PACRG: variants seen among roughly 807,000 people sequenced by gnomAD.
PACRG encodes parkin coregulated, also known as parkin coregulated gene protein.
PACRG carries 29 observed loss-of-function variants against 29.7 expected under a neutral mutation model. The observed-to-expected ratio is 0.98, with a 90% CI of 0.73 to 1.33. The LOEUF is 1.33. Among genes scored for constraint, PACRG ranks in the 40% most tolerant of loss-of-function variants. The pLI is 0.00. For missense variants in PACRG, 279 were observed against 316.2 expected (o/e 0.88, Z 0.89); for synonymous variants, 116 against 118.7 (o/e 0.98, Z 0.15).
At chr6:162,824,315 C>T (rs902944498) in intron 2 of PACRG, among the ~76,000 whole-genome samples, 1 of 152,006 alleles carries the variant, frequency 6.6e-6, no homozygotes, top group Non-Finnish European at 1.5e-5. Context: ...ATGTTTCTGA[C>T]CGGGCCAGGA....
At chr6:163,125,936 A>T (rs934388630) in intron 4 of PACRG, among the ~76,000 whole-genome samples, 1 of 152,244 alleles carries the variant, frequency 6.6e-6, no homozygotes, top group Non-Finnish European at 1.5e-5. Context: ...TGCCTTAGGA[A>T]AAAGGAGCAC....
At chr6:162,926,012 A>G (rs1158908352) in intron 2 of PACRG, among the ~76,000 whole-genome samples, 1 of 152,104 alleles carries the variant, frequency 6.6e-6, no homozygotes, top group Non-Finnish European at 1.5e-5. Context: ...CACCAACAGT[A>G]GACAAGCAGA....
intron 2 of PACRG, among the ~76,000 whole-genome samples, chr6:162,902,625 T>A (rs984184160): frequency 1.3e-5 from 2 of 152,198 alleles, no homozygotes; most frequent in Non-Finnish European, 2.9e-5. Flanking sequence ...CAAGAAGATG[T>A]ATACAGAATA....
chr6:162,869,394 G>A (rs988768379), intron 2 of PACRG, among the ~76,000 whole-genome samples: 5 of 152,104 alleles, frequency 3.3e-5, no homozygotes, highest in Admixed American at 6.6e-5. Context: ...TATATTATTA[G>A]TTTTGAGTGT....
chr6:163,185,888 T>C (rs1050458758), intron 4 of PACRG, among the ~76,000 whole-genome samples: 2 of 152,098 alleles, frequency 1.3e-5, no homozygotes, highest in African/African-American at 4.8e-5. Flanking sequence ...CAGAGCTGCT[T>C]CCCTGTGTCT....
intron 3 of PACRG, among the ~76,000 whole-genome samples, chr6:163,082,900 G>A (rs760770360): frequency 6.6e-6 from 1 of 152,108 alleles, no homozygotes; most frequent in Non-Finnish European, 1.5e-5. Flanking sequence ...AATGCTTTGT[G>A]CACATTTGCC....
chr6:162,979,472 G>T (rs1384947603), intron 2 of PACRG, among the ~76,000 whole-genome samples: 1 of 152,086 alleles, frequency 6.6e-6, no homozygotes, highest in Non-Finnish European at 1.5e-5. Context: ...TCTGTAGGTT[G>T]TCTCTTCACT....
intron 4 of PACRG, among the ~76,000 whole-genome samples, chr6:163,244,045 T>C (rs2128169456): frequency 6.6e-6 from 1 of 152,348 alleles, no homozygotes; most frequent in East Asian, 1.9e-4. Flanking sequence ...ATTTTGTCTG[T>C]AATGTCTTTG....
chr6:162,801,669 C>A (rs1785888177), intron 1 of PACRG, among the ~76,000 whole-genome samples: 1 of 151,958 alleles, frequency 6.6e-6, no homozygotes, highest in African/African-American at 2.4e-5. Context: ...AGATTTTCAA[C>A]CAGATTTTTC....
At chr6:163,003,931 T>A (rs11963638) in intron 2 of PACRG, among the ~76,000 whole-genome samples, 27,308 of 152,136 alleles carry the variant, frequency 0.18, 7,299 homozygotes, top group African/African-American at 0.58. Context: ...TTAGATCCAC[T>A]TGATCGCACT....
intron 1 of PACRG, among the ~76,000 whole-genome samples, chr6:162,791,216 T>C (rs1361967707): frequency 6.6e-6 from 1 of 152,038 alleles, no homozygotes; most frequent in Admixed American, 6.6e-5. Flanking sequence ...AGATTGTATA[T>C]GTGCTTGCAA....
chr6:163,271,414 T>C (rs1221784431), intron 4 of PACRG, among the ~76,000 whole-genome samples: 1 of 151,420 alleles, frequency 6.6e-6, no homozygotes, highest in Admixed American at 6.6e-5. Context: ...AATGAATCTT[T>C]TTCTTTTCAT....
intron 2 of PACRG, among the ~76,000 whole-genome samples, chr6:162,950,497 G>A (rs1199251935): frequency 7.2e-6 from 1 of 138,880 alleles, no homozygotes; most frequent in African/African-American, 2.7e-5. Flanking sequence ...TACAGAGCAA[G>A]ACTCCATCTC....
chr6:162,957,354 C>A, intron 2 of PACRG: 1 of 617,398 alleles, frequency 1.6e-6, no homozygotes, highest in South Asian at 1.9e-5. Context: ...CACCACAGGC[C>A]CTGCTGACAT....
chr6:162,904,605 C>T (rs776678302), intron 2 of PACRG, among the ~76,000 whole-genome samples: 1 of 152,182 alleles, frequency 6.6e-6, no homozygotes, highest in Non-Finnish European at 1.5e-5. Context: ...CCTATTAATA[C>T]TTAAGGTTAG....
At chr6:162,846,133 G>T (rs1205339507) in intron 2 of PACRG, among the ~76,000 whole-genome samples, 2 of 152,140 alleles carry the variant, frequency 1.3e-5, no homozygotes, top group African/African-American at 4.8e-5. Context: ...TCTAAGGGGA[G>T]CTGGGCAGGG....
chr6:162,941,643 C>G (rs1584813547), intron 2 of PACRG, among the ~76,000 whole-genome samples: 1 of 152,186 alleles, frequency 6.6e-6, no homozygotes, highest in East Asian at 1.9e-4. Flanking sequence ...TTATTCCACA[C>G]TCTCCCCATG....
chr6:163,070,909 A>G (rs1418733843), intron 3 of PACRG, among the ~76,000 whole-genome samples: 2 of 152,242 alleles, frequency 1.3e-5, no homozygotes, highest in Admixed American at 6.5e-5. Flanking sequence ...TGCTATACTT[A>G]TATCAGACAA....
At chr6:163,209,211 A>G (rs1041631977) in intron 4 of PACRG, among the ~76,000 whole-genome samples, 6 of 152,212 alleles carry the variant, frequency 3.9e-5, no homozygotes, top group African/African-American at 7.2e-5. Context: ...TGGCCCTGAA[A>G]TAGAGCATCT....
Sources: allele counts gnomAD v4.1 joint callset (sites outside exome capture counted in the v4.1 genomes callset), GRCh38; gene constraint gnomAD v4.1.1; transcripts MANE v1.5; gene names NCBI Gene and HGNC (gene_info 2026-07-23, HGNC 2026-07-21).